Variants in PRKDC observed in about 807,000 individuals in gnomAD.
PRKDC encodes protein kinase, DNA-activated, catalytic subunit, also known as DNA-dependent protein kinase catalytic subunit.
Under a neutral mutation model 486.9 loss-of-function variants are expected in PRKDC, and 82 were observed. That is an observed-to-expected ratio of 0.17 (90% confidence interval 0.14 to 0.20). The LOEUF (loss-of-function observed/expected upper bound fraction) is 0.20. Among genes scored for constraint, PRKDC ranks in the 10% least tolerant of loss-of-function variants. The pLI is 1.00. For missense variants in PRKDC, 4,504 were observed against 5,038.2 expected (o/e 0.89, Z 3.21); for synonymous variants, 1,895 against 1,837.0 (o/e 1.03, Z -0.81).
rs1212059850 is a variant in PRKDC, at chr8:47,936,338, G to C, written c.1278+15C>G. 6.3e-6 allele frequency: 10 copies of C among 1,597,296 alleles called. No homozygotes were observed. The highest frequency in any genetic ancestry group is 7.7e-6 in the Non-Finnish European group (9 of 1,171,380). The stretch of plus-strand genomic sequence containing the variant: ...GATTAAATACTTAAAATTGTGCTCA[G>C]TTTAGTTCACTTACTGTGTCAAGGT... On this transcript the variant is annotated intron_variant, in intron 12 of 85. Transcript: ENST00000314191.
At chr8:47,860,753 T>G in intron 45 of PRKDC, 146 bp downstream of exon 45, 1 of 593,766 alleles carries the variant, frequency 1.7e-6, no homozygotes, top group Non-Finnish European at 2.8e-6. Context: ...AAATACTTTT[T>G]CAAAGTCAAT....
chr8:47,879,765 C>T, intron 38 of PRKDC, 107 bp from the exon 39 acceptor site: 1 of 768,768 alleles, frequency 1.3e-6, no homozygotes. Flanking sequence ...TATGTGGAAT[C>T]AATGAATGGC....
At chr8:47,957,604 G>A (rs1435975484) in intron 1 of PRKDC, among the ~76,000 whole-genome samples, 173 bp from the exon 2 acceptor site, 7 of 145,194 alleles carry the variant, frequency 4.8e-5, no homozygotes, top group African/African-American at 1.7e-4. Context: ...TCCGCCTCCC[G>A]GGTTCACGCC....
intron 61 of PRKDC, 38 bp downstream of exon 61, chr8:47,830,567 T>C: frequency 1.2e-6 from 2 of 1,605,822 alleles, no homozygotes; most frequent in Non-Finnish European, 1.7e-6. Flanking sequence ...GAAACAGATT[T>C]TAACCTGTCA....
At position 47,821,835 on chromosome 8, in the gene PRKDC, A is replaced by G. The variant is rs1318223413; in HGVS notation, c.8923-43T>C. 4.1e-6 allele frequency: 6 copies of G among 1,465,356 alleles called. No homozygotes were observed. In the Admixed American group the frequency reaches 1.4e-4, roughly 35 times the overall value. The allele number at this position is 1,465,356 out of a possible 1,614,324, so 90.8% of individuals were successfully genotyped here. ...ATAAAATTATTTTACAAAGTTGGAA[A>G]GAATACCAATGAGAACACGTAAAAA... is the stretch of plus-strand genomic sequence containing the variant. On this transcript the variant is annotated intron_variant, in intron 64 of 85. Transcript: ENST00000314191.
chr8:47,936,013 C>A, intron 12 of PRKDC, 113 bp from the exon 13 acceptor site: 1 of 1,050,616 alleles, frequency 9.5e-7, no homozygotes, highest in Non-Finnish European at 1.3e-6. Context: ...AAAAGAAAAA[C>A]ATGGTTTGTC....
intron 21 of PRKDC, among the ~76,000 whole-genome samples, chr8:47,923,156 C>T (rs986712996): frequency 1.3e-5 from 2 of 151,806 alleles, no homozygotes; most frequent in African/African-American, 2.4e-5. Context: ...CTCTGCCTCC[C>T]GGGTTCAAGT....
In PRKDC at chr8:47,918,340, A is replaced by G; in HGVS notation, c.2463T>C (p.Ala821=). 6.3e-7 allele frequency: 1 copy of G among 1,595,534 alleles called. No homozygotes were observed. Among genetic ancestry groups the G allele is most frequent in the South Asian group, 1.1e-5 (1 of 87,472 alleles). ...CCACTTTATTAAATCCTTTCTGGGC[A>G]GCCCGAGAAAGAGCTGACACTTCCC... ...NNWEVSALSR[A]AQKGFNKVVL... The change falls in exon 22 of 86, where the codon GCT becomes GCC. Residue 821 remains alanine, a synonymous_variant. Transcript: ENST00000314191.
intron 35 of PRKDC, 115 bp downstream of exon 35, chr8:47,887,432 T>C (rs890778729): frequency 5.6e-5 from 55 of 982,258 alleles, no homozygotes; most frequent in Non-Finnish European, 7.2e-5. Flanking sequence ...AATCATACAA[T>C]ACTTGTCCAG....
chr8:47,949,818 T>C (rs1199217663), intron 7 of PRKDC, among the ~76,000 whole-genome samples: 1 of 152,130 alleles, frequency 6.6e-6, no homozygotes, highest in Non-Finnish European at 1.5e-5. Context: ...ACAATCTTGA[T>C]AAGCAAGGAA....
intron 54 of PRKDC, among the ~76,000 whole-genome samples, chr8:47,841,529 C>A (rs944798565): frequency 1.3e-5 from 2 of 152,236 alleles, no homozygotes; most frequent in East Asian, 3.8e-4. Context: ...GCAACCCCAG[C>A]ACAGTGCTTG....
At chr8:47,841,312 GCT>G (rs2088137658) in intron 54 of PRKDC, among the ~76,000 whole-genome samples, 1 of 152,126 alleles carries the variant, frequency 6.6e-6, no homozygotes, top group South Asian at 2.1e-4. Flanking sequence ...TTCTCACCTT[GCT>G]CTGAGTCACT....
chr8:47,926,983 G>A, intron 21 of PRKDC: 1 of 535,254 alleles, frequency 1.9e-6, no homozygotes, highest in Non-Finnish European at 3.2e-6. Flanking sequence ...AGCTATAAGT[G>A]AGTAAATGAA....
rs1211236488 is a variant in PRKDC, at chr8:47,838,365, C to T, written c.7553+783G>A. 2.0e-5 allele frequency among the ~76,000 whole-genome samples: 3 copies of T among 152,088 alleles called. 1 individual carries two copies. The highest frequency in any genetic ancestry group is 3.9e-4 in the East Asian group (2 of 5,190). ...GGTGCAGTGCTCACACTTAAAATCC[C>T]GGCACTTTGGCAAACCAAGTCAGGA... On this transcript the variant is annotated intron_variant, in intron 56 of 85. Coordinates refer to ENST00000314191, the MANE Select transcript of PRKDC (RefSeq NM_006904.7).
chr8:47,838,064 A>C (rs1291296166), intron 56 of PRKDC, among the ~76,000 whole-genome samples: 1 of 152,140 alleles, frequency 6.6e-6, no homozygotes, highest in African/African-American at 2.4e-5. Flanking sequence ...TGAACCTAGG[A>C]GGCGGAGGTT....
chr8:47,952,023 A>C (rs2090633362), intron 7 of PRKDC, among the ~76,000 whole-genome samples: 1 of 152,252 alleles, frequency 6.6e-6, no homozygotes, highest in Non-Finnish European at 1.5e-5. Context: ...GTGGGAATGT[A>C]AAATGCTGCA....
intron 73 of PRKDC, among the ~76,000 whole-genome samples, 200 bp downstream of exon 73, chr8:47,798,037 C>T (rs1004452368): frequency 4.6e-5 from 7 of 152,178 alleles, no homozygotes; most frequent in African/African-American, 1.7e-4. Flanking sequence ...TTATCAACAC[C>T]CACAGAGGAA....
At chr8:47,864,192 ACCAGGGAGGAAGAGAC>A (rs148583777) in intron 41 of PRKDC, among the ~76,000 whole-genome samples, 6,722 of 151,994 alleles carry the variant, frequency 0.044, 222 homozygotes, top group Non-Finnish European at 0.068. Flanking sequence ...TGGAAATGTG[ACCAGGGAGGAAGAGAC>A]CAGGGTGAAA....
rs3829985 is a variant in PRKDC at position 47,927,540 on chromosome 8, C to T, written c.2260-187G>A. On this transcript the variant is annotated intron_variant, in intron 20 of 85. Transcript: ENST00000314191. ...AGCTGTCTCTGTGGCTGTGGTATAC[C>T]GCAGCCTTTCAAGGCACACAGGTTT... Among the ~76,000 whole-genome samples, 4,050 of 152,216 alleles carry T rather than the reference C, an allele frequency of 0.027. 280 individuals are homozygous for T. Among genetic ancestry groups the T allele is most frequent in the Admixed American group, 0.14 (2,205 of 15,282 alleles).
Sources: gnomAD v4.1 joint callset for allele counts (sites outside exome capture counted in the v4.1 genomes callset) on GRCh38, gnomAD v4.1.1 for gene constraint, MANE v1.5 for transcripts, NCBI Gene and HGNC (gene_info 2026-07-23, HGNC 2026-07-21) for gene names.